The following RUNDC1 variants were observed in gnomAD, a reference collection of about 807,000 sequenced individuals.
RUNDC1 encodes RUN domain containing 1.
In RUNDC1, 31 loss-of-function variants were observed where a neutral mutation model predicts 49.3. The observed-to-expected ratio is 0.63, with a 90% CI of 0.47 to 0.85. RUNDC1 has a LOEUF of 0.85. RUNDC1 is among the 40% of genes least tolerant of loss of function. The pLI, the probability that RUNDC1 is intolerant of heterozygous loss-of-function variation, is 0.00. For synonymous variants in RUNDC1, 347 were observed against 348.6 expected (o/e 1.00, Z 0.05); for missense variants, 715 against 806.7 (o/e 0.89, Z 1.38).
In RUNDC1 at chr17:42,987,249, G is replaced by C. The variant is rs1423362751; in HGVS notation, c.499-7G>C. The C allele has an allele frequency of 8.7e-6, 14 of 1,613,712 alleles. No individual in the cohort carries two copies. The Middle Eastern group carries it at 6.6e-4, about 76-fold the overall frequency. On this transcript the variant is annotated splice_polypyrimidine_tract_variant and splice_region_variant and intron_variant, in intron 1 of 4. Transcript: ENST00000361677. ...GCATAATAGACCCAATTATTTTCTT[G>C]CCTTAGAGTGAGCAGGAAAAGCAAG...
rs1172033429 is a variant in RUNDC1 at position 42,995,109 on chromosome 17, G to T, written c.*3393G>T. Among the ~76,000 whole-genome samples the T allele has an allele frequency of 6.0e-5, 1 of 16,764 alleles. No homozygotes were observed. Among genetic ancestry groups the T allele is most frequent in the African/African-American group, 6.3e-5 (1 of 15,796 alleles). The allele number at this position is 16,764 out of a possible 152,430, so 11.0% of individuals were successfully genotyped here. A position where few individuals can be genotyped will look rare whatever the true frequency, so the allele number is the denominator to read the frequency against. On this transcript the variant is annotated 3_prime_UTR_variant, in exon 5 of 5. Coordinates refer to ENST00000361677, the MANE Select transcript of RUNDC1 (RefSeq NM_173079.5). The stretch of plus-strand genomic sequence containing the variant: ...AGATACCATACCAATTGGAGATTTG[G>T]AGAGACTGTTAAAATATAGATTGCT...
chr17:42,983,077 G>A (rs2050125128), intron 1 of RUNDC1, among the ~76,000 whole-genome samples: 1 of 151,622 alleles, frequency 6.6e-6, no homozygotes, highest in South Asian at 2.1e-4. Context: ...ACTTGGGGAG[G>A]CGAAGGCTGG....
chr17:42,983,179 C>G (rs1343982479), intron 1 of RUNDC1, among the ~76,000 whole-genome samples: 1 of 135,492 alleles, frequency 7.4e-6, no homozygotes, highest in Non-Finnish European at 1.5e-5. Flanking sequence ...AAGACCCTGT[C>G]TCAAAAAAAA....
At chr17:42,985,656 G>C in intron 1 of RUNDC1, 5 of 657,646 alleles carry the variant, frequency 7.6e-6, no homozygotes, top group Non-Finnish European at 9.1e-6. Flanking sequence ...TTCAGGGCTT[G>C]GTAAGTACCG....
Position 42,993,655 on chromosome 17 carries a change from C to T in RUNDC1, c.*1939C>T, listed in dbSNP as rs904907717. The T allele has an allele frequency of 2.6e-5, 4 of 152,176 alleles. No homozygotes were observed. The highest frequency in any genetic ancestry group is 9.7e-5 in the African/African-American group (4 of 41,438). 9.4% of individuals were successfully genotyped at this position (152,176 alleles called of 1,614,324 possible). A position where few individuals can be genotyped will look rare whatever the true frequency, so the allele number is the denominator to read the frequency against. On this transcript the variant is annotated 3_prime_UTR_variant, in exon 5 of 5. Transcript: ENST00000361677. ...TTTATAAGTGTTTGGGCCTTATCAGCCCATCTGATCCAGATCAATATTTTT... is the reference window on the plus strand; with the variant it reads ...TTTATAAGTGTTTGGGCCTTATCAGTCCATCTGATCCAGATCAATATTTTT...
chr17:42,991,613 T>TTGAGAG lies in RUNDC1; in HGVS notation c.1742_1747dup (p.Glu581_Ser582dup). ...TGGAGCTACATGGCACACACAGGCT[T>TTGAGAG]TGAGAGTGCCCTCAACCTGCTCAGT... is the stretch of plus-strand genomic sequence containing the variant. On this transcript the variant is annotated inframe_insertion, in exon 5 of 5. Transcript: ENST00000361677. 1 of 1,614,132 alleles carries TTGAGAG rather than the reference T, an allele frequency of 6.2e-7. No individual in the cohort carries two copies. Among genetic ancestry groups the TTGAGAG allele is most frequent in the Non-Finnish European group, 8.5e-7 (1 of 1,180,012 alleles).
intron 1 of RUNDC1, among the ~76,000 whole-genome samples, chr17:42,985,241 T>C (rs560553291): frequency 2.6e-5 from 4 of 152,330 alleles, no homozygotes; most frequent in Admixed American, 6.5e-5. Flanking sequence ...TGAGAACTTA[T>C]CTTGTGCCAG....
At chr17:42,986,790 G>C (rs1191045361) in intron 1 of RUNDC1, among the ~76,000 whole-genome samples, 10 of 151,988 alleles carry the variant, frequency 6.6e-5, no homozygotes, top group Non-Finnish European at 1.3e-4. Context: ...TGAGCTACCG[G>C]GCCCGGCCAG....
At chr17:42,983,985 T>G (rs1247221684) in intron 1 of RUNDC1, among the ~76,000 whole-genome samples, 1 of 149,524 alleles carries the variant, frequency 6.7e-6, no homozygotes, top group Admixed American at 6.7e-5. Flanking sequence ...TGCCCGGCCC[T>G]AAATTTTTAT....
At position 42,980,849 on chromosome 17, in the gene RUNDC1, C is replaced by A. The variant is rs1385431323; in HGVS notation, c.273C>A (p.Asp91Glu). The A allele has an allele frequency of 2.8e-6, 4 of 1,406,016 alleles. No homozygotes were observed. The highest frequency in any genetic ancestry group is 3.7e-6 in the Non-Finnish European group (4 of 1,089,740). The allele number at this position is 1,406,016 out of a possible 1,614,324, so 87.1% of individuals were successfully genotyped here. A position where few individuals can be genotyped will look rare whatever the true frequency, so the allele number is the denominator to read the frequency against. ...TGCGGGCAGAGCGGCGGCGGCTGGA[C>A]TCGGCGCTGCTGGCGCTGTCCTCGC... The part of the protein sequence containing the change: ...RRLRAERRRL[D>E]SALLALSSHF... The change falls in exon 1 of 5, where the codon GAC becomes GAA. Residue 91 changes from aspartate to glutamate, a missense_variant. Physicochemically the swap from Asp to Glu is conservative, Grantham distance 45 (BLOSUM62 2). Coordinates refer to ENST00000361677, the MANE Select transcript of RUNDC1 (RefSeq NM_173079.5).
chr17:42,990,971 C>A lies in RUNDC1; in HGVS notation c.1097C>A (p.Pro366Gln). Residue 366 changes from proline (P) to glutamine (Q), a missense_variant, in exon 5 of 5, where the codon CCA (proline) becomes CAA (glutamine). Transcript: ENST00000361677. The part of the protein sequence containing the change: ...QFGCATGQIP[P>Q]TLWQRVQADR... ...GGTTGTGCCACAGGCCAGATCCCTC[C>A]AACCCTGTGGCAGAGGGTCCAGGCT... is the stretch of plus-strand genomic sequence containing the variant. The A allele has an allele frequency of 6.2e-7, 1 of 1,614,166 alleles. No individual in the cohort carries two copies.
At chr17:42,987,203 G>C in intron 1 of RUNDC1, 53 bp from the exon 2 acceptor site, 1 of 1,452,874 alleles carries the variant, frequency 6.9e-7, no homozygotes, top group Admixed American at 1.7e-5. Flanking sequence ...TTCTTAATGT[G>C]CCCTGAGTTT....
At chr17:42,989,650 G>A (rs1188448855) in intron 3 of RUNDC1, 111 bp downstream of exon 3, 2 of 967,180 alleles carry the variant, frequency 2.1e-6, no homozygotes, top group Admixed American at 2.1e-5. Context: ...TTTTTGGGCG[G>A]TGGGGACAGT....
In RUNDC1 at chr17:42,991,747, T is replaced by C; in HGVS notation, c.*31T>C. The C allele has an allele frequency of 6.3e-7, 1 of 1,583,148 alleles. No individual in the cohort carries two copies. The highest frequency in any genetic ancestry group is 1.3e-5 in the African/African-American group (1 of 74,522). Reference sequence around the variant, plus strand: ...GTGCCCTAACCCCAGACAAGCTCCTTGTTCAGTAGGGATAGATGTGCTAGT... The same window carrying C: ...GTGCCCTAACCCCAGACAAGCTCCTCGTTCAGTAGGGATAGATGTGCTAGT... On this transcript the variant is annotated 3_prime_UTR_variant, in exon 5 of 5. Transcript: ENST00000361677.
chr17:42,980,952 C>G lies in RUNDC1; in HGVS notation c.376C>G (p.Leu126Val), dbSNP rs1376358453. Residue 126 changes from leucine to valine, a missense_variant, in exon 1 of 5, where the codon CTC (leucine) becomes GTC (valine). Leu to Val is a conservative substitution (Grantham distance 32). This residue lies in a region of RUNDC1 where 113 missense variants were observed against 93.4 expected (regional missense o/e 1.21). Transcript: ENST00000361677. ...GGAGCAGCAGCGCCTTCTGCGGGAG[C>G]TCGAAGACTTCGCCTTCCGCGGCTG... Reference protein sequence around the residue: ...PAEQQRLLRELEDFAFRGCPH... With the variant: ...PAEQQRLLREVEDFAFRGCPH... The G allele has an allele frequency of 1.9e-6, 3 of 1,541,370 alleles. No homozygotes were observed. Among genetic ancestry groups the G allele is most frequent in the Non-Finnish European group, 2.6e-6 (3 of 1,150,130 alleles).
chr17:42,989,892 C>T (rs1426280356), intron 3 of RUNDC1, among the ~76,000 whole-genome samples: 1 of 152,116 alleles, frequency 6.6e-6, no homozygotes, highest in Admixed American at 6.6e-5. Context: ...GCCTCAGCCT[C>T]CCAAAGTACC....
chr17:42,984,706 T>C (rs1189152725), intron 1 of RUNDC1, among the ~76,000 whole-genome samples: 1 of 152,132 alleles, frequency 6.6e-6, no homozygotes, highest in Non-Finnish European at 1.5e-5. Flanking sequence ...GACTTGGTCA[T>C]GAAAATGGAA....
chr17:42,988,256 AT>A (rs35256791), intron 2 of RUNDC1, among the ~76,000 whole-genome samples: 1 of 146,974 alleles, frequency 6.8e-6, no homozygotes, highest in Admixed American at 6.8e-5. Flanking sequence ...ACGATATCAG[AT>A]TTTTTTTTTT....
At chr17:42,981,888 CTA>C (rs1362201141) in intron 1 of RUNDC1, 1 of 152,064 alleles carries the variant, frequency 6.6e-6, no homozygotes, top group Admixed American at 6.6e-5. Context: ...AGTAGTGAAA[CTA>C]TGTATAAGAC....
Sources: gnomAD v4.1 joint callset for allele counts (sites outside exome capture counted in the v4.1 genomes callset) on GRCh38, gnomAD v4.1.1 for gene constraint, gnomAD v4.1.1 regional missense constraint, MANE v1.5 for transcripts, NCBI Gene and HGNC (gene_info 2026-07-23, HGNC 2026-07-21) for gene names.